The following KATNBL1 variants were observed in gnomAD, a reference collection of about 807,000 sequenced individuals.
KATNBL1 encodes katanin regulatory subunit B1 like 1.
In KATNBL1, 28 loss-of-function variants were observed where a neutral mutation model predicts 44.7. The ratio of observed to expected loss-of-function variants is 0.63; its 90% CI spans 0.46 to 0.86. The LOEUF is 0.86. Among genes scored for constraint, KATNBL1 ranks in the 40% least tolerant of loss-of-function variants. The pLI, the probability that KATNBL1 is intolerant of heterozygous loss-of-function variation, is 0.00. For missense variants in KATNBL1, 272 were observed against 350.7 expected (o/e 0.78, Z 1.79); for synonymous variants, 78 against 114.9 (o/e 0.68, Z 2.06).
chr15:34,191,309 G>A (rs1889866780), intron 1 of KATNBL1, among the ~76,000 whole-genome samples: 1 of 151,598 alleles, frequency 6.6e-6, no homozygotes, highest in African/African-American at 2.4e-5. Context: ...AGTCTATTAG[G>A]TGGCTATACC....
rs1191011960 is a variant in KATNBL1, at chr15:34,154,702, A to G, written c.118-18T>C. 6.5e-7 allele frequency: 1 copy of G among 1,531,680 alleles called. No homozygotes were observed. Among genetic ancestry groups the G allele is most frequent in the African/African-American group, 1.4e-5 (1 of 73,176 alleles). 94.9% of individuals were successfully genotyped at this position (1,531,680 alleles called of 1,614,324 possible). A position where few individuals can be genotyped will look rare whatever the true frequency, so the allele number is the denominator to read the frequency against. ...TTCTTAACCTGAAAAATGAAAGTAG[A>G]TAGTTGATGTTAGAAACAAATGCTT... On this transcript the variant is annotated intron_variant, in intron 2 of 9. Coordinates refer to ENST00000256544, the MANE Select transcript of KATNBL1 (RefSeq NM_024713.3).
chr15:34,152,607 G>T (rs544702269), intron 4 of KATNBL1, among the ~76,000 whole-genome samples, 183 bp downstream of exon 4: 1 of 152,130 alleles, frequency 6.6e-6, no homozygotes, highest in South Asian at 2.1e-4. Flanking sequence ...TTAGAGAAAT[G>T]GAATAAATTA....
At chr15:34,168,200 C>T (rs570613961) in intron 1 of KATNBL1, among the ~76,000 whole-genome samples, 45 of 152,096 alleles carry the variant, frequency 3.0e-4, no homozygotes, top group African/African-American at 8.2e-4. Flanking sequence ...ACCCATCTCA[C>T]GTGCAAAGAT....
At chr15:34,183,869 G>T (rs1889635750) in intron 1 of KATNBL1, among the ~76,000 whole-genome samples, 1 of 152,180 alleles carries the variant, frequency 6.6e-6, no homozygotes, top group Non-Finnish European at 1.5e-5. Context: ...GAGGGGAAAA[G>T]GTAGAAACTC....
At chr15:34,154,708 G>A in intron 2 of KATNBL1, 24 bp from the exon 3 acceptor site, 1 of 1,510,026 alleles carries the variant, frequency 6.6e-7, no homozygotes, top group South Asian at 1.1e-5. Flanking sequence ...GTAGATAGTT[G>A]ATGTTAGAAA....
chr15:34,156,695 A>G (rs1025636802), intron 2 of KATNBL1, among the ~76,000 whole-genome samples: 2 of 152,178 alleles, frequency 1.3e-5, no homozygotes, highest in African/African-American at 4.8e-5. Flanking sequence ...AGGATCTGAT[A>G]GGGTCTGCTC....
chr15:34,142,637 C>T, intron 9 of KATNBL1: 1 of 360,958 alleles, frequency 2.8e-6, no homozygotes, highest in South Asian at 4.1e-5. Context: ...AGCTAACATT[C>T]ACAGAAATTC....
chr15:34,189,757 T>A (rs1324058596), intron 1 of KATNBL1, among the ~76,000 whole-genome samples: 1 of 152,190 alleles, frequency 6.6e-6, no homozygotes, highest in Non-Finnish European at 1.5e-5. Context: ...AACAAAAATA[T>A]TTTATTATCT....
chr15:34,192,403 C>CAA (rs199991134), intron 1 of KATNBL1, among the ~76,000 whole-genome samples: 13,773 of 106,904 alleles, frequency 0.13, 859 homozygotes, highest in Non-Finnish European at 0.19. Flanking sequence ...GACTCCATCT[C>CAA]AAAAAAAAAA....
chr15:34,195,726 A>C (rs1890013526), intron 1 of KATNBL1, among the ~76,000 whole-genome samples: 1 of 151,954 alleles, frequency 6.6e-6, no homozygotes, highest in South Asian at 2.1e-4. Context: ...AACAAACAAA[A>C]AACCCACAAA....
chr15:34,207,197 A>G (rs896535123), intron 1 of KATNBL1, among the ~76,000 whole-genome samples: 1 of 150,762 alleles, frequency 6.6e-6, no homozygotes, highest in Non-Finnish European at 1.5e-5. Context: ...ATGCCACTAC[A>G]CCTGCCTAAT....
At chr15:34,178,990 T>C (rs1043329053) in intron 1 of KATNBL1, among the ~76,000 whole-genome samples, 6 of 152,134 alleles carry the variant, frequency 3.9e-5, no homozygotes, top group Non-Finnish European at 8.8e-5. Context: ...GTGATAAGAA[T>C]GGATCTAAGA....
intron 1 of KATNBL1, among the ~76,000 whole-genome samples, chr15:34,192,414 A>AAC (rs1555530314): frequency 7.3e-5 from 11 of 151,702 alleles, no homozygotes; most frequent in African/African-American, 1.2e-4. Context: ...AAAAAAAAAA[A>AAC]AAAAACAAAA....
chr15:34,175,107 A>G (rs925074198), intron 1 of KATNBL1, among the ~76,000 whole-genome samples: 2 of 113,038 alleles, frequency 1.8e-5, no homozygotes, highest in Non-Finnish European at 3.6e-5. Flanking sequence ...CAAATGTAAA[A>G]TAAGCAACAC....
chr15:34,170,524 A>G (rs1889126745), intron 1 of KATNBL1, among the ~76,000 whole-genome samples: 1 of 152,218 alleles, frequency 6.6e-6, no homozygotes, highest in African/African-American at 2.4e-5. Flanking sequence ...AAGGTAATTT[A>G]TAGATTCAAC....
chr15:34,177,710 T>C (rs576868506), intron 1 of KATNBL1: 26 of 150,446 alleles, frequency 1.7e-4, no homozygotes, highest in African/African-American at 6.3e-4. Context: ...AAACTCATCA[T>C]ACAGGAATGG....
At position 34,163,576 on chromosome 15, in the gene KATNBL1, T is replaced by C; in HGVS notation, c.101A>G (p.Asn34Ser). The change falls in exon 2 of 10, where the codon AAT (asparagine) becomes AGT (serine). Residue 34 changes from asparagine to serine, a missense_variant. By Grantham distance (46) the Asn-to-Ser change is conservative. Coordinates refer to ENST00000256544, the MANE Select transcript of KATNBL1 (RefSeq NM_024713.3). The part of the protein sequence containing the change: ...LPRKKISNFT[N>S]KNMKEVKKSP... ...TAGACTTACCTCCTTCATGTTCTTATTAGTGAAATTAGAGATCTTTTTTCT... is the reference window on the plus strand; with the variant it reads ...TAGACTTACCTCCTTCATGTTCTTACTAGTGAAATTAGAGATCTTTTTTCT... 1 of 1,594,882 alleles carries C rather than the reference T, an allele frequency of 6.3e-7. No homozygotes were observed.
chr15:34,146,899 C>T (rs775958647), intron 7 of KATNBL1, 49 bp from the exon 8 acceptor site: 19 of 1,158,602 alleles, frequency 1.6e-5, no homozygotes, highest in Non-Finnish European at 2.3e-5. Flanking sequence ...TCTAAGAACC[C>T]TTCTTATAAA....
intron 1 of KATNBL1, among the ~76,000 whole-genome samples, chr15:34,181,020 C>G (rs1182570420): frequency 6.6e-6 from 1 of 152,156 alleles, no homozygotes; most frequent in Non-Finnish European, 1.5e-5. Context: ...CCTAAATCAC[C>G]ATAACAATTA....
Sources: allele counts gnomAD v4.1 joint callset (sites outside exome capture counted in the v4.1 genomes callset), GRCh38; gene constraint gnomAD v4.1.1; transcripts MANE v1.5; gene names NCBI Gene and HGNC (gene_info 2026-07-23, HGNC 2026-07-21).